The following DOK5 variants were observed in gnomAD, a reference collection of about 807,000 sequenced individuals.
DOK5 encodes downstream of tyrosine kinase 5.
A neutral mutation model predicts 43.3 loss-of-function variants in DOK5; 27 were observed. That is an observed-to-expected ratio of 0.62 (90% CI 0.46 to 0.86). The LOEUF (loss-of-function observed/expected upper bound fraction) is 0.86. Ranked by LOEUF, DOK5 falls within the 40% of genes least tolerant of loss-of-function variation. The pLI, the probability that DOK5 is intolerant of heterozygous loss-of-function variation, is 0.00. For synonymous variants in DOK5, 146 were observed against 140.1 expected, an observed-to-expected ratio of 1.04 and a Z score of -0.30; for missense variants, 373 against 392.9, an observed-to-expected ratio of 0.95 and a Z score of 0.43.
At chr20:54,567,881 C>A (rs1269150582) in intron 2 of DOK5, among the ~76,000 whole-genome samples, 4 of 152,112 alleles carry the variant, frequency 2.6e-5, no homozygotes, top group African/African-American at 9.7e-5. Flanking sequence ...GTTCAGCCTT[C>A]AAATCCTATG....
Position 54,630,903 on chromosome 20 carries a change from A to G in DOK5, c.736-12555A>G, listed in dbSNP as rs145774320. 4.4e-3 allele frequency among the ~76,000 whole-genome samples: 673 copies of G among 152,344 alleles called. 7 individuals carry two copies. Among genetic ancestry groups the G allele is most frequent in the African/African-American group, 0.015 (608 of 41,574 alleles). On this transcript the variant is annotated intron_variant, in intron 6 of 7. Coordinates refer to ENST00000262593, the MANE Select transcript of DOK5 (RefSeq NM_018431.5). Reference sequence around the variant, plus strand: ...AAACCGGTTATCAGAACAGTCTTCAATATAGTAGGTCCCAGGATGAAAATT... The same window carrying G: ...AAACCGGTTATCAGAACAGTCTTCAGTATAGTAGGTCCCAGGATGAAAATT...
intron 2 of DOK5, among the ~76,000 whole-genome samples, chr20:54,555,714 G>A (rs528367111): frequency 1.3e-5 from 2 of 152,246 alleles, no homozygotes; most frequent in South Asian, 4.1e-4. Context: ...ACACTCCTCC[G>A]AGGCTCTGGT....
chr20:54,550,443 A>C (rs1318029708), intron 1 of DOK5, among the ~76,000 whole-genome samples: 1 of 152,188 alleles, frequency 6.6e-6, no homozygotes, highest in Admixed American at 6.5e-5. Flanking sequence ...ATTGACATTG[A>C]TATTGATGTA....
At chr20:54,545,908 A>G (rs1984326590) in intron 1 of DOK5, among the ~76,000 whole-genome samples, 2 of 152,252 alleles carry the variant, frequency 1.3e-5, no homozygotes, top group African/African-American at 4.8e-5. Context: ...ATGAAACAGC[A>G]TATGGCTACA....
In DOK5 at chr20:54,564,277, C is replaced by A. The variant is rs541439217; in HGVS notation, c.174+9237C>A. 4.7e-4 allele frequency among the ~76,000 whole-genome samples: 71 copies of A among 152,020 alleles called. 1 individual carries two copies. The highest frequency in any genetic ancestry group is 1.7e-3 in the African/African-American group (70 of 41,460). On this transcript the variant is annotated intron_variant, in intron 2 of 7. Coordinates refer to ENST00000262593, the MANE Select transcript of DOK5 (RefSeq NM_018431.5). ...TCTCTACTAAAAAAAATACAAAAAA[C>A]AAAATTAGCTGGGCATGGTGGTGGG...
chr20:54,613,966 T>C (rs7274754), intron 6 of DOK5, among the ~76,000 whole-genome samples: 5,502 of 151,574 alleles, frequency 0.036, 334 homozygotes, highest in African/African-American at 0.13. Context: ...TGCACTCCAG[T>C]CTGGGTGACA....
chr20:54,557,265 T>C (rs1984737106), intron 2 of DOK5, among the ~76,000 whole-genome samples: 1 of 152,164 alleles, frequency 6.6e-6, no homozygotes, highest in Non-Finnish European at 1.5e-5. Context: ...GAAGACAATT[T>C]TTCCACAGAC....
intron 1 of DOK5, among the ~76,000 whole-genome samples, chr20:54,546,399 C>A (rs898523060): frequency 6.6e-6 from 1 of 151,498 alleles, no homozygotes; most frequent in Non-Finnish European, 1.5e-5. Context: ...GGATATATAT[C>A]TTTTTTTTTA....
intron 5 of DOK5, among the ~76,000 whole-genome samples, chr20:54,592,743 G>A (rs1166906400): frequency 9.2e-5 from 14 of 151,978 alleles, no homozygotes; most frequent in Admixed American, 2.6e-4. Flanking sequence ...GGGTTTCACC[G>A]TGTTAGCCAG....
chr20:54,571,771 A>T (rs1985288903), intron 2 of DOK5, among the ~76,000 whole-genome samples: 1 of 151,694 alleles, frequency 6.6e-6, no homozygotes, highest in Non-Finnish European at 1.5e-5. Context: ...TTCACCCTAA[A>T]CTCCTGAGTG....
intron 6 of DOK5, among the ~76,000 whole-genome samples, chr20:54,639,646 A>AT (rs1979010729): frequency 6.6e-6 from 1 of 152,090 alleles, no homozygotes; most frequent in African/African-American, 2.4e-5. Flanking sequence ...ATATAAAAAT[A>AT]TATTTTTTAA....
At chr20:54,566,977 A>G (rs987928259) in intron 2 of DOK5, among the ~76,000 whole-genome samples, 1 of 151,802 alleles carries the variant, frequency 6.6e-6, no homozygotes, top group Non-Finnish European at 1.5e-5. Context: ...GCTTCTGTAT[A>G]TCTTCTATGA....
intron 2 of DOK5, chr20:54,555,555 A>G (rs968187645): frequency 6.5e-6 from 1 of 153,430 alleles, no homozygotes; most frequent in Non-Finnish European, 1.5e-5. Flanking sequence ...GTTACAACTC[A>G]TTAAGGTAAG....
intron 2 of DOK5, among the ~76,000 whole-genome samples, chr20:54,563,013 A>C (rs147276187): frequency 0.01 from 1,554 of 152,318 alleles, 33 homozygotes; most frequent in African/African-American, 0.036. Flanking sequence ...TTATAAGAAG[A>C]GACACAGACC....
intron 6 of DOK5, among the ~76,000 whole-genome samples, chr20:54,623,292 A>G (rs919952822): frequency 6.6e-6 from 1 of 152,152 alleles, no homozygotes. Flanking sequence ...GCTTGCCCCA[A>G]ATGTCAATAG....
intron 1 of DOK5, among the ~76,000 whole-genome samples, chr20:54,517,382 T>C (rs1474548959): frequency 6.6e-6 from 1 of 152,186 alleles, no homozygotes; most frequent in Non-Finnish European, 1.5e-5. Context: ...CAACATGGGA[T>C]AAAATTGTAG....
At chr20:54,624,668 T>G (rs1987082774) in intron 6 of DOK5, among the ~76,000 whole-genome samples, 2 of 151,906 alleles carry the variant, frequency 1.3e-5, no homozygotes, top group African/African-American at 4.8e-5. Flanking sequence ...AGAGAATTTT[T>G]TTAGTAAGGA....
intron 7 of DOK5, 31 bp from the exon 8 acceptor site, chr20:54,650,383 TA>T: frequency 6.2e-7 from 1 of 1,608,516 alleles, no homozygotes; most frequent in Non-Finnish European, 8.5e-7. Context: ...TCTTGAAATG[TA>T]ACTGTTGATT....
intron 5 of DOK5, among the ~76,000 whole-genome samples, chr20:54,593,820 A>G (rs1215787733): frequency 6.6e-6 from 1 of 152,252 alleles, no homozygotes; most frequent in Non-Finnish European, 1.5e-5. Context: ...CAGCCATAAA[A>G]AAGAATGAAT....
Sources: allele counts gnomAD v4.1 joint callset (sites outside exome capture counted in the v4.1 genomes callset), GRCh38; gene constraint gnomAD v4.1.1; transcripts MANE v1.5; gene names NCBI Gene and HGNC (gene_info 2026-07-23, HGNC 2026-07-21).